SDC1: variants seen among roughly 807,000 people sequenced by gnomAD.
The protein encoded by SDC1 is syndecan 1, also known as syndecan-1.
SDC1 carries 14 observed loss-of-function variants against 29.7 expected under a neutral mutation model. The ratio of observed to expected loss-of-function variants is 0.47; its 90% CI spans 0.31 to 0.74. SDC1 has a LOEUF of 0.74. SDC1 is among the 30% of genes least tolerant of loss of function. The probability of loss-of-function intolerance (pLI) is 0.05; values close to 1 mark genes in which losing one functional copy is unlikely to be tolerated. For synonymous variants in SDC1, 204 were observed against 175.5 expected, an observed-to-expected ratio of 1.16 and a Z score of -1.29; for missense variants, 406 against 400.3, an observed-to-expected ratio of 1.01 and a Z score of -0.12.
At chr2:20,223,140 T>C (rs2148299072) in intron 1 of SDC1, 1 of 738,980 alleles carries the variant, frequency 1.4e-6, no homozygotes, top group East Asian at 6.5e-5. Context: ...GTCCAGCCCA[T>C]TCACAGTTCA....
chr2:20,212,102 C>A (rs568307338), intron 1 of SDC1, among the ~76,000 whole-genome samples: 1 of 59,174 alleles, frequency 1.7e-5, no homozygotes, highest in African/African-American at 7.6e-5. Flanking sequence ...GCTGGCCCCG[C>A]GGCTTTAGCA....
intron 2 of SDC1, 57 bp downstream of exon 2, chr2:20,205,286 C>T (rs1677222493): frequency 6.2e-6 from 8 of 1,293,368 alleles, no homozygotes; most frequent in Non-Finnish European, 9.0e-6. Flanking sequence ...CTGACCACTG[C>T]CCACAGGCAT....
chr2:20,223,530 C>T (rs1183228822), intron 1 of SDC1: 2 of 323,312 alleles, frequency 6.2e-6, no homozygotes, highest in East Asian at 9.1e-5. Context: ...GGCTCCGCAC[C>T]TCCCCTCTGC....
At chr2:20,205,927 C>T (rs866755832) in intron 1 of SDC1, among the ~76,000 whole-genome samples, 9 of 152,340 alleles carry the variant, frequency 5.9e-5, no homozygotes, top group Admixed American at 1.3e-4. Flanking sequence ...GAGGCAGCCT[C>T]CAGGCATGCT....
At chr2:20,218,606 C>T (rs542019339) in intron 1 of SDC1, among the ~76,000 whole-genome samples, 8 of 151,186 alleles carry the variant, frequency 5.3e-5, no homozygotes, top group African/African-American at 1.9e-4. Context: ...CAAATATACA[C>T]GGACGCAGAC....
At position 20,204,127 on chromosome 2, in the gene SDC1, C is replaced by T; in HGVS notation, c.313G>A (p.Val105Ile). 6.2e-7 allele frequency: 1 copy of T among 1,605,280 alleles called. No individual in the cohort carries two copies. ...AGEGPKEGEA[V>I]VLPEVEPGLT... ...CCAGGCTCCACTTCTGGCAGGACTACAGCCTCTCCCTCCTTGGGCCCCTCT... is the reference window on the plus strand; with the variant it reads ...CCAGGCTCCACTTCTGGCAGGACTATAGCCTCTCCCTCCTTGGGCCCCTCT... The change falls in exon 3 of 5, where the codon GTA becomes ATA. Residue 105 changes from valine to isoleucine, a missense_variant. Val to Ile is a conservative substitution (Grantham distance 29). Coordinates refer to ENST00000254351, the MANE Select transcript of SDC1 (RefSeq NM_002997.5).
chr2:20,213,343 A>G (rs1190117456), intron 1 of SDC1, among the ~76,000 whole-genome samples: 1 of 152,198 alleles, frequency 6.6e-6, no homozygotes, highest in African/African-American at 2.4e-5. Flanking sequence ...TGAGCAAAGC[A>G]ACCCAACCCA....
chr2:20,205,333 A>T lies in SDC1; in HGVS notation c.148+10T>A. On this transcript the variant is annotated intron_variant, in intron 2 of 4. Coordinates refer to ENST00000254351, the MANE Select transcript of SDC1 (RefSeq NM_002997.5). ...GTCTTGGGTGGGGGGGGCCCCCATGACAACCTCACCTGCACCTGAGCCGGA... is the reference window on the plus strand; with the variant it reads ...GTCTTGGGTGGGGGGGGCCCCCATGTCAACCTCACCTGCACCTGAGCCGGA... The T allele has an allele frequency of 6.2e-7, 1 of 1,612,648 alleles. No homozygotes were observed. The highest frequency in any genetic ancestry group is 8.5e-7 in the Non-Finnish European group (1 of 1,179,172).
intron 1 of SDC1, among the ~76,000 whole-genome samples, chr2:20,211,988 G>A (rs970700412): frequency 5.3e-5 from 8 of 152,252 alleles, no homozygotes; most frequent in South Asian, 4.1e-4. Context: ...TGCGGCTCCC[G>A]TGCTGGGGAC....
rs147736626 is a variant in SDC1 at position 20,203,850 on chromosome 2, G to A, written c.590C>T (p.Ser197Phe). 2.9e-4 allele frequency: 469 copies of A among 1,604,296 alleles called. No individual in the cohort carries two copies. The highest frequency in any genetic ancestry group is 3.7e-4 in the Non-Finnish European group (430 of 1,177,250). Reference protein sequence around the residue: ...ATERAAEDGASSQLPAAEGSG... With the variant: ...ATERAAEDGAFSQLPAAEGSG... ...GCCCTCTGCTGCTGGGAGCTGACTGGAGGCTCCATCCTCAGCAGCCCTCTC... is the reference window on the plus strand; with the variant it reads ...GCCCTCTGCTGCTGGGAGCTGACTGAAGGCTCCATCCTCAGCAGCCCTCTC... Residue 197 changes from serine to phenylalanine, a missense_variant, in exon 3 of 5, where the codon TCC (serine) becomes TTC (phenylalanine). By Grantham distance (155) the Ser-to-Phe change is radical (BLOSUM62 -2). Coordinates refer to ENST00000254351, the MANE Select transcript of SDC1 (RefSeq NM_002997.5).
chr2:20,205,853 G>A (rs1488455770), intron 1 of SDC1, among the ~76,000 whole-genome samples: 1 of 152,204 alleles, frequency 6.6e-6, no homozygotes, highest in African/African-American at 2.4e-5. Context: ...AAAGATTGCC[G>A]ACCCAGCCCC....
chr2:20,221,358 C>G (rs1051218814), intron 1 of SDC1, among the ~76,000 whole-genome samples: 2 of 152,212 alleles, frequency 1.3e-5, no homozygotes, highest in African/African-American at 4.8e-5. Context: ...TCTGGCTGCT[C>G]TCTGGAAAAA....
chr2:20,224,174 G>T lies in SDC1; in HGVS notation c.66+628C>A, dbSNP rs979557787. 11 of 427,070 alleles carry T rather than the reference G, an allele frequency of 2.6e-5. No homozygotes were observed. Among genetic ancestry groups the T allele is most frequent in the African/African-American group, 2.4e-4 (11 of 46,262 alleles). The allele number at this position is 427,070 out of a possible 1,614,324, so 26.5% of individuals were successfully genotyped here. A position where few individuals can be genotyped will look rare whatever the true frequency, so the allele number is the denominator to read the frequency against. Reference sequence around the variant, plus strand: ...CAACTTCCCGGAACCTCCCGCTGCCGGGCCGGCTCAGCTCACCTCGAGCCG... The same window carrying T: ...CAACTTCCCGGAACCTCCCGCTGCCTGGCCGGCTCAGCTCACCTCGAGCCG... On this transcript the variant is annotated intron_variant, in intron 1 of 4. Coordinates refer to ENST00000254351, the MANE Select transcript of SDC1 (RefSeq NM_002997.5). This position sits in a 1 kb window ranked among gnomAD's most constrained non-coding sequence, Gnocchi z 4.9.
In SDC1 at chr2:20,202,431, G is replaced by A; in HGVS notation, c.*335C>T. 1 of 622,128 alleles carries A rather than the reference G, an allele frequency of 1.6e-6. No homozygotes were observed. The allele number at this position is 622,128 out of a possible 1,614,324, so 38.5% of individuals were successfully genotyped here. A position where few individuals can be genotyped will look rare whatever the true frequency, so the allele number is the denominator to read the frequency against. ...CCACATGAGGCCATTTAGGTCCAAA[G>A]CAGTCGGATCCCCCTCCCCTCCAGA... is the stretch of plus-strand genomic sequence containing the variant. On this transcript the variant is annotated 3_prime_UTR_variant, in exon 5 of 5. Coordinates refer to ENST00000254351, the MANE Select transcript of SDC1 (RefSeq NM_002997.5).
In SDC1 at chr2:20,202,093, A is replaced by G. The variant is rs1460723039; in HGVS notation, c.*673T>C. ...TTTGGCTTCCAGATTTGGTTCTCCT[A>G]GTTTAAAAAAAAAAAAAAAAAGTCT... On this transcript the variant is annotated 3_prime_UTR_variant, in exon 5 of 5. Transcript: ENST00000254351. 1 of 527,564 alleles carries G rather than the reference A, an allele frequency of 1.9e-6. No individual in the cohort carries two copies. The highest frequency in any genetic ancestry group is 3.3e-5 in the East Asian group (1 of 30,732). 32.7% of individuals were successfully genotyped at this position (527,564 alleles called of 1,614,324 possible).
chr2:20,207,012 C>CA, intron 1 of SDC1, among the ~76,000 whole-genome samples: 1 of 152,382 alleles, frequency 6.6e-6, no homozygotes, highest in Middle Eastern at 3.4e-3. Context: ...CAGAGGGGGC[C>CA]CACCTGAGGC....
At chr2:20,207,412 T>C (rs1226414515) in intron 1 of SDC1, 1 of 984,808 alleles carries the variant, frequency 1.0e-6, no homozygotes, top group Non-Finnish European at 1.2e-6. Context: ...CCATGGCCCA[T>C]CTACAATAAA....
At chr2:20,208,644 G>T (rs1258998587) in intron 1 of SDC1, among the ~76,000 whole-genome samples, 3 of 152,192 alleles carry the variant, frequency 2.0e-5, no homozygotes, top group Admixed American at 6.5e-5. Flanking sequence ...GGCCTGCTGT[G>T]CTGACAGCCG....
chr2:20,217,694 T>C lies in SDC1; in HGVS notation c.66+7108A>G, dbSNP rs115010744. ...CCAGAGGGCTTGCAGTGGATCAAGG[T>C]TGGTTGGGTGAGTCTCAGGGGAGGA... On this transcript the variant is annotated intron_variant, in intron 1 of 4. Transcript: ENST00000254351. Among the ~76,000 whole-genome samples, 1,005 of 152,226 alleles carry C rather than the reference T, an allele frequency of 6.6e-3. 12 individuals carry two copies. The highest frequency in any genetic ancestry group is 0.023 in the African/African-American group (937 of 41,532).
Sources: gnomAD v4.1 joint callset for allele counts (sites outside exome capture counted in the v4.1 genomes callset) on GRCh38, gnomAD v4.1.1 for gene constraint, Gnocchi (gnomAD v3.1) non-coding constraint, MANE v1.5 for transcripts, NCBI Gene and HGNC (gene_info 2026-07-23, HGNC 2026-07-21) for gene names.